The following EIPR1 variants were observed in gnomAD, a reference collection of about 807,000 sequenced individuals.
The protein encoded by EIPR1 is EARP complex and GARP complex interacting protein 1.
EIPR1 carries 25 observed loss-of-function variants against 48.1 expected under a neutral mutation model. That is an observed-to-expected ratio of 0.52 (90% confidence interval 0.38 to 0.73). The LOEUF is 0.73. Ranked by LOEUF, EIPR1 falls within the 30% of genes least tolerant of loss-of-function variation. The pLI is 0.00. For missense variants in EIPR1, 415 were observed against 506.2 expected (o/e 0.82, Z 1.73); for synonymous variants, 204 against 201.9 (o/e 1.01, Z -0.09).
At chr2:3,201,698 C>A (rs1334649637) in intron 5 of EIPR1, among the ~76,000 whole-genome samples, 3 of 152,156 alleles carry the variant, frequency 2.0e-5, no homozygotes, top group Non-Finnish European at 2.9e-5. Context: ...AAACGCTAAG[C>A]CACAAGAAAA....
chr2:3,336,408 T>C (rs1312741947), intron 3 of EIPR1, among the ~76,000 whole-genome samples: 1 of 152,148 alleles, frequency 6.6e-6, no homozygotes, highest in Non-Finnish European at 1.5e-5. Context: ...CTCAGCCACA[T>C]GCCATGCTGC....
At chr2:3,210,048 C>T (rs1418370230) in intron 5 of EIPR1, among the ~76,000 whole-genome samples, 2 of 152,010 alleles carry the variant, frequency 1.3e-5, no homozygotes, top group African/African-American at 4.8e-5. Context: ...GTGATGTGCC[C>T]GTATGGGTTA....
At chr2:3,290,328 A>C (rs1668327884) in intron 3 of EIPR1, among the ~76,000 whole-genome samples, 1 of 152,368 alleles carries the variant, frequency 6.6e-6, no homozygotes, top group South Asian at 2.1e-4. Context: ...TATGACATGC[A>C]TAACACCTTT....
At chr2:3,294,718 C>CAT (rs1294359593) in intron 3 of EIPR1, among the ~76,000 whole-genome samples, 5 of 137,370 alleles carry the variant, frequency 3.6e-5, no homozygotes, top group African/African-American at 8.2e-5. Context: ...CCTCTCTACA[C>CAT]ACACCCTCCA....
At chr2:3,277,577 C>T (rs1057140956) in intron 3 of EIPR1, among the ~76,000 whole-genome samples, 11 of 152,198 alleles carry the variant, frequency 7.2e-5, no homozygotes, top group African/African-American at 2.7e-4. Context: ...AACCCCAGGC[C>T]GTGGGAACTA....
At position 3,203,199 on chromosome 2, in the gene EIPR1, C is replaced by T. The variant is rs1665109270; in HGVS notation, c.517-6182G>A. On this transcript the variant is annotated intron_variant, in intron 5 of 8. Coordinates refer to ENST00000382125, the MANE Select transcript of EIPR1 (RefSeq NM_003310.5). The stretch of plus-strand genomic sequence containing the variant: ...AAATACTTGTACAATGTTTTAAAAG[C>T]TAACAAGTGACAGAGCCAGGGTGAA... 2.0e-5 allele frequency among the ~76,000 whole-genome samples: 3 copies of T among 152,198 alleles called. No individual in the cohort carries two copies. The South Asian group carries it at 6.2e-4, about 31-fold the overall frequency.
At chr2:3,238,577 G>A (rs1235501847) in intron 4 of EIPR1, among the ~76,000 whole-genome samples, 1 of 152,178 alleles carries the variant, frequency 6.6e-6, no homozygotes, top group Admixed American at 6.5e-5. Flanking sequence ...CCTTCCTTCT[G>A]GTCTCCCCAC....
At position 3,368,310 on chromosome 2, in the gene EIPR1, TG is replaced by T. The variant is rs142892580; in HGVS notation, c.42+9337del. On this transcript the variant is annotated intron_variant, in intron 1 of 8. Transcript: ENST00000382125. ...TGCCCTGCTTGCTTCCTGGTTTTGGTGGTAAACCGAAGGGAAAGCAACTTGA... is the reference window on the plus strand; with the variant it reads ...TGCCCTGCTTGCTTCCTGGTTTTGGTGTAAACCGAAGGGAAAGCAACTTGA... Among the ~76,000 whole-genome samples, 470 of 152,302 alleles carry T rather than the reference TG, an allele frequency of 3.1e-3. 3 individuals carry two copies. Among genetic ancestry groups the T allele is most frequent in the African/African-American group, 0.01 (433 of 41,570 alleles).
At chr2:3,325,188 C>A (rs959551022) in intron 3 of EIPR1, among the ~76,000 whole-genome samples, 4 of 152,216 alleles carry the variant, frequency 2.6e-5, no homozygotes, top group Non-Finnish European at 4.4e-5. Flanking sequence ...CAAGGGCCGG[C>A]GGTCAGGACC....
Position 3,377,693 on chromosome 2 carries a change from G to T in EIPR1, c.-4C>A. On this transcript the variant is annotated 5_prime_UTR_variant, in exon 1 of 9. Transcript: ENST00000382125. ...TCACTGGTGCATCGTCCTCCATGCT[G>T]CGGGGAAGCGACCCGACCCCGGCCA... The T allele has an allele frequency of 6.3e-7, 1 of 1,578,418 alleles. No homozygotes were observed. The highest frequency in any genetic ancestry group is 8.6e-7 in the Non-Finnish European group (1 of 1,161,806).
chr2:3,208,342 C>A, intron 5 of EIPR1: 1 of 974,794 alleles, frequency 1.0e-6, no homozygotes. Flanking sequence ...CCACCGTGAG[C>A]ACCTCTGTGC....
chr2:3,333,346 T>C (rs1430193493), intron 3 of EIPR1, among the ~76,000 whole-genome samples: 1 of 152,150 alleles, frequency 6.6e-6, no homozygotes, highest in African/African-American at 2.4e-5. Context: ...AGCCACGTCC[T>C]AAAGAAGAGC....
rs115132310 is a variant in EIPR1, at chr2:3,291,721, T to C, written c.260-34266A>G. On this transcript the variant is annotated intron_variant, in intron 3 of 8. Transcript: ENST00000382125. Reference sequence around the variant, plus strand: ...CCTTTCTCTCATTTAATCTGTATAATAGACGTGGAAGTTATTACCTTTTTA... The same window carrying C: ...CCTTTCTCTCATTTAATCTGTATAACAGACGTGGAAGTTATTACCTTTTTA... Among the ~76,000 whole-genome samples the C allele has an allele frequency of 6.1e-3, 927 of 152,354 alleles. 6 individuals carry two copies. The highest frequency in any genetic ancestry group is 0.02 in the African/African-American group (836 of 41,588).
At chr2:3,278,737 A>G (rs1188973712) in intron 3 of EIPR1, among the ~76,000 whole-genome samples, 1 of 152,060 alleles carries the variant, frequency 6.6e-6, no homozygotes, top group African/African-American at 2.4e-5. Context: ...CCAACTACAT[A>G]CAGGATTCAG....
At chr2:3,236,298 T>C (rs1200190572) in intron 4 of EIPR1, among the ~76,000 whole-genome samples, 1 of 152,004 alleles carries the variant, frequency 6.6e-6, no homozygotes, top group African/African-American at 2.4e-5. Flanking sequence ...GAGAGTTCTG[T>C]TAAGGAACCT....
chr2:3,305,530 C>G (rs925185707), intron 3 of EIPR1, among the ~76,000 whole-genome samples: 1 of 151,922 alleles, frequency 6.6e-6, no homozygotes, highest in African/African-American at 2.4e-5. Flanking sequence ...CCACTCCCAT[C>G]CAGTTCAACC....
At chr2:3,245,646 A>G (rs72763793) in intron 4 of EIPR1, among the ~76,000 whole-genome samples, 1 of 152,372 alleles carries the variant, frequency 6.6e-6, no homozygotes, top group Non-Finnish European at 1.5e-5. Flanking sequence ...CTCCTTTGGA[A>G]AGCTAATAGA....
chr2:3,196,020 A>G (rs1474298739), intron 6 of EIPR1, among the ~76,000 whole-genome samples: 1 of 152,270 alleles, frequency 6.6e-6, no homozygotes, highest in Non-Finnish European at 1.5e-5. Flanking sequence ...CGATGACCAC[A>G]GGACATGGAG....
At chr2:3,313,594 G>A (rs1329810223) in intron 3 of EIPR1, among the ~76,000 whole-genome samples, 1 of 152,162 alleles carries the variant, frequency 6.6e-6, no homozygotes, top group Non-Finnish European at 1.5e-5. Context: ...GGCCTCAGGG[G>A]TAATAAATGC....
Sources: gnomAD v4.1 joint callset for allele counts (sites outside exome capture counted in the v4.1 genomes callset) on GRCh38, gnomAD v4.1.1 for gene constraint, MANE v1.5 for transcripts, NCBI Gene and HGNC (gene_info 2026-07-23, HGNC 2026-07-21) for gene names.